Variants in CREBRF observed in about 807,000 individuals in gnomAD.
CREBRF encodes UPF0474 protein C5orf41.
CREBRF carries 5 observed loss-of-function variants against 66.1 expected under a neutral mutation model. The observed-to-expected ratio is 0.08, with a 90% CI of 0.04 to 0.16. The LOEUF is 0.16. Ranked by LOEUF, CREBRF falls within the 10% of genes least tolerant of loss-of-function variation. CREBRF has a pLI of 1.00. For synonymous variants in CREBRF, 229 were observed against 264.4 expected, an observed-to-expected ratio of 0.87 and a Z score of 1.30; for missense variants, 531 against 744.9, an observed-to-expected ratio of 0.71 and a Z score of 3.34.
At chr5:173,082,302 C>CGTGCCCGGCCGA (rs1554123780) in intron 2 of CREBRF, among the ~76,000 whole-genome samples, 1 of 151,494 alleles carries the variant, frequency 6.6e-6, no homozygotes, top group Non-Finnish European at 1.5e-5. Context: ...CGTGAGCCAC[C>CGTGCCCGGCCGA]GTGCCTGGCC....
chr5:173,132,573 TCCCC>T lies in CREBRF; in HGVS notation c.1805-1055_1805-1052del, dbSNP rs1561585950. Among the ~76,000 whole-genome samples the T allele has an allele frequency of 3.2e-3, 2 of 624 alleles. 1 individual carries two copies. The highest frequency in any genetic ancestry group is 0.014 in the African/African-American group (2 of 140). The allele number at this position is 624 out of a possible 152,430, so 0.4% of individuals were successfully genotyped here. ...CTCCCCCTCCCCCTCCCCCTCCCCC[TCCCC>T]CTCCCCCTCCCCTCCCGTTCCTTTC... On this transcript the variant is annotated intron_variant, in intron 8 of 8. Transcript: ENST00000296953.
rs983269201 is a variant in CREBRF, at chr5:173,105,585, A to T, written c.1223-3039A>T. On this transcript the variant is annotated intron_variant, in intron 4 of 8. Coordinates refer to ENST00000296953, the MANE Select transcript of CREBRF (RefSeq NM_153607.3). ...CCAGGTTCAAGTCTTCTCCTGCCTCAGCCTCCTGAGTAGCTGGGATTACAG... is the reference window on the plus strand; with the variant it reads ...CCAGGTTCAAGTCTTCTCCTGCCTCTGCCTCCTGAGTAGCTGGGATTACAG... 1.3e-4 allele frequency among the ~76,000 whole-genome samples: 20 copies of T among 152,156 alleles called. No individual in the cohort carries two copies. The South Asian group carries it at 3.3e-3, about 25-fold the overall frequency.
In CREBRF at chr5:173,135,880, G is replaced by A. The variant is rs1759579616; in HGVS notation, c.*2135G>A. The A allele has an allele frequency of 6.6e-6, 1 of 152,448 alleles. No homozygotes were observed. Among genetic ancestry groups the A allele is most frequent in the Non-Finnish European group, 1.5e-5 (1 of 67,932 alleles). 9.4% of individuals were successfully genotyped at this position (152,448 alleles called of 1,614,324 possible). On this transcript the variant is annotated 3_prime_UTR_variant, in exon 9 of 9. Coordinates refer to ENST00000296953, the MANE Select transcript of CREBRF (RefSeq NM_153607.3). The stretch of plus-strand genomic sequence containing the variant: ...TGCACAAGATTTTTCTATGTGTTTG[G>A]TGGAAATGTACCTGGTTTGTACATT...
chr5:173,109,142 G>A, intron 5 of CREBRF: 1 of 223,770 alleles, frequency 4.5e-6, no homozygotes. Context: ...AACCAGAAGG[G>A]TTGAGGAGAA....
chr5:173,120,430 AGT>A (rs1759112179), intron 7 of CREBRF, among the ~76,000 whole-genome samples: 1 of 149,742 alleles, frequency 6.7e-6, no homozygotes, highest in Non-Finnish European at 1.5e-5. Context: ...CTCAGGCTGG[AGT>A]GCAGTGGCAC....
intron 8 of CREBRF, among the ~76,000 whole-genome samples, chr5:173,131,996 C>T (rs1229413281): frequency 6.6e-6 from 1 of 151,366 alleles, no homozygotes; most frequent in Non-Finnish European, 1.5e-5. Context: ...TCCTAAAGTG[C>T]TGAGATGACA....
intron 1 of CREBRF, chr5:173,068,035 T>C: frequency 5.6e-6 from 2 of 359,616 alleles, no homozygotes; most frequent in South Asian, 3.9e-5. Context: ...TTGTCTTCTG[T>C]TTTAAAATGT....
intron 2 of CREBRF, among the ~76,000 whole-genome samples, chr5:173,082,966 C>T (rs898358824): frequency 8.2e-5 from 11 of 134,080 alleles, no homozygotes; most frequent in African/African-American, 2.8e-4. Flanking sequence ...GTGGCTTGCA[C>T]CTGTAATCCC....
intron 2 of CREBRF, among the ~76,000 whole-genome samples, chr5:173,083,131 G>A (rs1186733079): frequency 1.3e-5 from 2 of 151,798 alleles, no homozygotes; most frequent in Non-Finnish European, 2.9e-5. Context: ...GGGAAGCTGA[G>A]GCAGGAGAAT....
rs1260261440 is a variant in CREBRF, at chr5:173,138,799, G to A, written c.*5054G>A. The A allele has an allele frequency of 2.0e-5, 3 of 152,110 alleles. No individual in the cohort carries two copies. Among genetic ancestry groups the A allele is most frequent in the African/African-American group, 7.2e-5 (3 of 41,396 alleles). 9.4% of individuals were successfully genotyped at this position (152,110 alleles called of 1,614,324 possible). A position where few individuals can be genotyped will look rare whatever the true frequency, so the allele number is the denominator to read the frequency against. On this transcript the variant is annotated 3_prime_UTR_variant, in exon 9 of 9. Transcript: ENST00000296953. ...TTTATGACACTGTATTCCACTGCCT[G>A]CTTTTTTACCTTCTTTCCCTAGGAT...
chr5:173,129,884 T>C (rs1023949849), intron 8 of CREBRF, among the ~76,000 whole-genome samples: 3 of 152,164 alleles, frequency 2.0e-5, no homozygotes, highest in Admixed American at 1.3e-4. Flanking sequence ...TGGAGTGTAA[T>C]GGAGTGATCT....
At position 173,091,061 on chromosome 5, in the gene CREBRF, A is replaced by T. The variant is rs989219788; in HGVS notation, c.882A>T (p.Glu294Asp). The T allele has an allele frequency of 6.2e-7, 1 of 1,614,138 alleles. No individual in the cohort carries two copies. The highest frequency in any genetic ancestry group is 1.3e-5 in the African/African-American group (1 of 75,020). Residue 294 changes from glutamate (E) to aspartate (D), a missense_variant, in exon 4 of 9, where the codon GAA becomes GAT. Glu to Asp is a conservative substitution (Grantham distance 45). This residue lies in a region of CREBRF where 309 missense variants were observed against 341.4 expected (regional missense o/e 0.90). Transcript: ENST00000296953. ...GHATPALPFK[E>D]TQELLLSPLP... ...CCACTCCCGCTTTGCCTTTTAAAGA[A>T]ACCCAGGAACTATTACTAAGTCCCC...
intron 1 of CREBRF, among the ~76,000 whole-genome samples, chr5:173,058,784 C>G (rs1186085849): frequency 7.5e-6 from 1 of 133,290 alleles, no homozygotes; most frequent in East Asian, 2.2e-4. Flanking sequence ...CGCGCCCAGC[C>G]TCTTTTTTTT....
chr5:173,076,614 G>A (rs185274132), intron 1 of CREBRF, among the ~76,000 whole-genome samples: 141 of 152,086 alleles, frequency 9.3e-4, no homozygotes, highest in African/African-American at 3.3e-3. Context: ...TTAGCCAGGC[G>A]TGGTGGTGCT....
At chr5:173,080,390 T>C (rs1757906298) in intron 1 of CREBRF, among the ~76,000 whole-genome samples, 195 bp from the exon 2 acceptor site, 2 of 151,918 alleles carry the variant, frequency 1.3e-5, no homozygotes, top group Admixed American at 6.6e-5. Flanking sequence ...TAGAAAAATA[T>C]AAGAGGAGGA....
Position 173,072,797 on chromosome 5 carries a change from G to A in CREBRF, c.-191-7788G>A, listed in dbSNP as rs371499886. 7.2e-5 allele frequency among the ~76,000 whole-genome samples: 11 copies of A among 152,244 alleles called. No individual in the cohort carries two copies. The East Asian group carries it at 1.3e-3, about 19-fold the overall frequency. On this transcript the variant is annotated intron_variant, in intron 1 of 8. Coordinates refer to ENST00000296953, the MANE Select transcript of CREBRF (RefSeq NM_153607.3). ...AGACTGTAGGGTAAATATTAGAATG[G>A]TAAATATAAGATGATGAGGACCAAG...
chr5:173,092,516 A>C (rs1249992138), intron 4 of CREBRF, among the ~76,000 whole-genome samples: 1 of 152,232 alleles, frequency 6.6e-6, no homozygotes, highest in Non-Finnish European at 1.5e-5. Context: ...AAAGAAGTAA[A>C]GATCTTTAAA....
intron 3 of CREBRF, among the ~76,000 whole-genome samples, chr5:173,089,836 T>C (rs545686265): frequency 2.6e-5 from 4 of 152,156 alleles, no homozygotes; most frequent in Non-Finnish European, 2.9e-5. Context: ...TAAAAAGATA[T>C]CCTCTTCTGT....
At position 173,106,680 on chromosome 5, in the gene CREBRF, T is replaced by C. The variant is rs536445454; in HGVS notation, c.1223-1944T>C. On this transcript the variant is annotated intron_variant, in intron 4 of 8. Coordinates refer to ENST00000296953, the MANE Select transcript of CREBRF (RefSeq NM_153607.3). ...CACTTCTATGAGTTTTGACAAATCA[T>C]GTAATCACCACTAATACCAAATAGT... 2.0e-5 allele frequency among the ~76,000 whole-genome samples: 3 copies of C among 152,288 alleles called. No homozygotes were observed. The East Asian group carries it at 5.8e-4, about 29-fold the overall frequency.
Sources: gnomAD v4.1 joint callset for allele counts (sites outside exome capture counted in the v4.1 genomes callset) on GRCh38, gnomAD v4.1.1 for gene constraint, gnomAD v4.1.1 regional missense constraint, MANE v1.5 for transcripts, NCBI Gene and HGNC (gene_info 2026-07-23, HGNC 2026-07-21) for gene names.